Variants in MFSD6 observed in about 807,000 individuals in gnomAD.
MFSD6 encodes the protein major facilitator superfamily domain-containing protein 6.
In MFSD6, 26 loss-of-function variants were observed where a neutral mutation model predicts 56.3. The observed-to-expected ratio is 0.46, with a 90% CI of 0.34 to 0.64. The LOEUF is 0.64. Ranked by LOEUF, MFSD6 falls within the 30% of genes least tolerant of loss-of-function variation. The pLI is 0.01. For missense variants in MFSD6, 750 were observed against 986.2 expected (o/e 0.76, Z 3.21); for synonymous variants, 331 against 366.9 (o/e 0.90, Z 1.12).
chr2:190,437,248 G>C lies in MFSD6; in HGVS notation c.1219G>C (p.Glu407Gln). 1 of 1,614,042 alleles carries C rather than the reference G, an allele frequency of 6.2e-7. No individual in the cohort carries two copies. Among genetic ancestry groups the C allele is most frequent in the Non-Finnish European group, 8.5e-7 (1 of 1,179,982 alleles). ...CGATGATTCTAAAGGGAAAGAGGTG[G>C]AGATCCCGCAGGTGGAAAGGAACAA... ...KNDDSKGKEV[E>Q]IPQVERNNST... Residue 407 changes from glutamate to glutamine, a missense_variant, in exon 3 of 8, where the codon GAG becomes CAG. Around this residue, in one of 5 missense-constraint regions of MFSD6, gnomAD observed 376 missense variants for 437.9 expected, o/e 0.86. Transcript: ENST00000392328. The surrounding 1 kb of genome is among the most constrained non-coding windows in gnomAD (Gnocchi z 5.9).
At chr2:190,444,871 T>C (rs554295106) in intron 3 of MFSD6, 1 of 827,928 alleles carries the variant, frequency 1.2e-6, no homozygotes, top group Non-Finnish European at 1.5e-6. Flanking sequence ...AATTATTTTA[T>C]ACAAAATCAT....
At chr2:190,482,924 G>T (rs554811572) in intron 4 of MFSD6, among the ~76,000 whole-genome samples, 1 of 103,842 alleles carries the variant, frequency 9.6e-6, no homozygotes, top group Admixed American at 1.5e-4. Flanking sequence ...TCACTCTGTC[G>T]CCCAGGCCGG....
rs1686455638 is a variant in MFSD6 at position 190,443,393 on chromosome 2, A to C, written c.1532+5832A>C. The stretch of plus-strand genomic sequence containing the variant: ...TTTTTATGAAGACTAGATGAGATAA[A>C]ACATGGCAATTGCTTCAACAATGAC... On this transcript the variant is annotated intron_variant, in intron 3 of 7. Transcript: ENST00000392328. The surrounding 1 kb of genome is among the most constrained non-coding windows in gnomAD (Gnocchi z 4.2). Among the ~76,000 whole-genome samples, 1 of 152,182 alleles carries C rather than the reference A, an allele frequency of 6.6e-6. No individual in the cohort carries two copies. The highest frequency in any genetic ancestry group is 2.4e-5 in the African/African-American group (1 of 41,446).
intron 4 of MFSD6, among the ~76,000 whole-genome samples, chr2:190,476,357 A>T (rs1270960849): frequency 2.6e-5 from 4 of 152,246 alleles, no homozygotes; most frequent in African/African-American, 9.6e-5. Flanking sequence ...AAACAAATTT[A>T]TAAGAAAAAA....
At position 190,465,382 on chromosome 2, in the gene MFSD6, A is replaced by G. The variant is rs1357644537; in HGVS notation, c.1533-4376A>G. On this transcript the variant is annotated intron_variant, in intron 3 of 7. Transcript: ENST00000392328. The surrounding 1 kb of genome is among the most constrained non-coding windows in gnomAD (Gnocchi z 4.6). ...GACAGTCATGCTGTTTTTGAGTTTT[A>G]TCATTATAGGTGTTCAGTAGGTATC... Among the ~76,000 whole-genome samples, 1 of 151,926 alleles carries G rather than the reference A, an allele frequency of 6.6e-6. No homozygotes were observed. Among genetic ancestry groups the G allele is most frequent in the Non-Finnish European group, 1.5e-5 (1 of 67,984 alleles).
In MFSD6 at chr2:190,431,978, T is replaced by C. The variant is rs1005447754; in HGVS notation, c.-53-3999T>C. Among the ~76,000 whole-genome samples the C allele has an allele frequency of 3.9e-5, 6 of 152,242 alleles. No homozygotes were observed. The highest frequency in any genetic ancestry group is 3.9e-4 in the Admixed American group (6 of 15,290). ...GAAGATAATCATATATTCAAAAGTA[T>C]TTTCCTTTTTACTTGGCTTCTGATT... On this transcript the variant is annotated intron_variant, in intron 2 of 7. Transcript: ENST00000392328. The surrounding 1 kb of genome is among the most constrained non-coding windows in gnomAD (Gnocchi z 4.4).
intron 6 of MFSD6, among the ~76,000 whole-genome samples, chr2:190,493,794 T>C (rs1177251857): frequency 6.6e-6 from 1 of 152,018 alleles, no homozygotes; most frequent in Non-Finnish European, 1.5e-5. Flanking sequence ...AAAATCAAGA[T>C]GGAAATTTAA....
At position 190,484,986 on chromosome 2, in the gene MFSD6, C is replaced by T. The variant is rs547343884; in HGVS notation, c.1631-3671C>T. 2.7e-4 allele frequency among the ~76,000 whole-genome samples: 41 copies of T among 152,152 alleles called. No individual in the cohort carries two copies. In the South Asian group the frequency reaches 7.5e-3, roughly 28 times the overall value. ...GAGTTAATTTAAAGAATGTAATTCC[C>T]AATTATCTAATCAGTCTCAAAAGCA... is the stretch of plus-strand genomic sequence containing the variant. On this transcript the variant is annotated intron_variant, in intron 4 of 7. Transcript: ENST00000392328.
At chr2:190,420,894 A>C (rs1159521151) in intron 2 of MFSD6, among the ~76,000 whole-genome samples, 1 of 152,224 alleles carries the variant, frequency 6.6e-6, no homozygotes, top group Admixed American at 6.5e-5. Context: ...TTCATATAAA[A>C]GTTACTGTCT....
intron 3 of MFSD6, among the ~76,000 whole-genome samples, chr2:190,448,742 G>A (rs1419955465): frequency 6.6e-6 from 1 of 152,164 alleles, no homozygotes; most frequent in Non-Finnish European, 1.5e-5. Context: ...GGACTTGGAT[G>A]GGGAACAAAG....
intron 4 of MFSD6, among the ~76,000 whole-genome samples, chr2:190,479,859 G>GT (rs973599193): frequency 3.3e-5 from 5 of 151,974 alleles, no homozygotes; most frequent in Non-Finnish European, 7.4e-5. Flanking sequence ...GATGAAAGAT[G>GT]TTTTTTTTAA....
chr2:190,411,796 A>G (rs1690576367), intron 1 of MFSD6: 13 of 985,388 alleles, frequency 1.3e-5, no homozygotes, highest in Non-Finnish European at 1.6e-5. Context: ...TAACTGTAGC[A>G]TATTCTACAA....
chr2:190,464,200 C>T (rs983194657), intron 3 of MFSD6, among the ~76,000 whole-genome samples: 12 of 152,186 alleles, frequency 7.9e-5, no homozygotes, highest in East Asian at 1.9e-4. Context: ...GTCAGTCTAA[C>T]GGCAAATACT....
In MFSD6 at chr2:190,488,836, C is replaced by A; in HGVS notation, c.1792+18C>A. ...TTATTTTGGTAAGAATGGCTTTCTC[C>A]TTTTTTTTCTTTTCTATTATTAAAA... On this transcript the variant is annotated intron_variant, in intron 5 of 7. Coordinates refer to ENST00000392328, the MANE Select transcript of MFSD6 (RefSeq NM_017694.4). The surrounding 1 kb of genome is among the most constrained non-coding windows in gnomAD (Gnocchi z 6.4). 6.6e-7 allele frequency: 1 copy of A among 1,514,054 alleles called. No homozygotes were observed. The highest frequency in any genetic ancestry group is 8.8e-7 in the Non-Finnish European group (1 of 1,130,726). 93.8% of individuals were successfully genotyped at this position (1,514,054 alleles called of 1,614,324 possible).
At position 190,471,714 on chromosome 2, in the gene MFSD6, A is replaced by T. The variant is rs1027848996; in HGVS notation, c.1630+1859A>T. On this transcript the variant is annotated intron_variant, in intron 4 of 7. Coordinates refer to ENST00000392328, the MANE Select transcript of MFSD6 (RefSeq NM_017694.4). This position sits in a 1 kb window ranked among gnomAD's most constrained non-coding sequence, Gnocchi z 4.7. Reference sequence around the variant, plus strand: ...GCAGCAGAAACCTCTGCAGACTTAAATGTCCCTGTCTGACAGCTTTGAAGA... The same window carrying T: ...GCAGCAGAAACCTCTGCAGACTTAATTGTCCCTGTCTGACAGCTTTGAAGA... 2.0e-5 allele frequency among the ~76,000 whole-genome samples: 3 copies of T among 152,196 alleles called. No individual in the cohort carries two copies. The highest frequency in any genetic ancestry group is 7.2e-5 in the African/African-American group (3 of 41,438).
intron 3 of MFSD6, among the ~76,000 whole-genome samples, chr2:190,450,896 AC>A (rs1312333748): frequency 1.1e-4 from 16 of 152,302 alleles, no homozygotes; most frequent in Admixed American, 4.6e-4. Context: ...GGTGTACTAT[AC>A]CTTTGGACCA....
At position 190,461,689 on chromosome 2, in the gene MFSD6, C is replaced by A. The variant is rs1439884273; in HGVS notation, c.1533-8069C>A. On this transcript the variant is annotated intron_variant, in intron 3 of 7. Transcript: ENST00000392328. The surrounding 1 kb of genome is among the most constrained non-coding windows in gnomAD (Gnocchi z 5.5). Reference sequence around the variant, plus strand: ...AAAAGGGGGAAACAGCTCCCTCACACCTCTTTTACCCACTCATGAGGGCTC... The same window carrying A: ...AAAAGGGGGAAACAGCTCCCTCACAACTCTTTTACCCACTCATGAGGGCTC... Among the ~76,000 whole-genome samples the A allele has an allele frequency of 6.6e-6, 1 of 152,124 alleles. No homozygotes were observed. Among genetic ancestry groups the A allele is most frequent in the Non-Finnish European group, 1.5e-5 (1 of 68,026 alleles).
chr2:190,454,283 C>T lies in MFSD6; in HGVS notation c.1533-15475C>T, dbSNP rs1408924369. On this transcript the variant is annotated intron_variant, in intron 3 of 7. Coordinates refer to ENST00000392328, the MANE Select transcript of MFSD6 (RefSeq NM_017694.4). The surrounding 1 kb of genome is among the most constrained non-coding windows in gnomAD (Gnocchi z 4.6). Reference sequence around the variant, plus strand: ...TTCATGGAGCCCCTGGGGAGGTTTCCAATTGTGTTAGAGAGTGAAGGTATT... The same window carrying T: ...TTCATGGAGCCCCTGGGGAGGTTTCTAATTGTGTTAGAGAGTGAAGGTATT... 6.6e-6 allele frequency: 1 copy of T among 151,978 alleles called. No individual in the cohort carries two copies. The highest frequency in any genetic ancestry group is 2.4e-5 in the African/African-American group (1 of 41,358). The allele number at this position is 151,978 out of a possible 1,614,324, so 9.4% of individuals were successfully genotyped here. A position where few individuals can be genotyped will look rare whatever the true frequency, so the allele number is the denominator to read the frequency against.
Position 190,465,105 on chromosome 2 carries a change from T to C in MFSD6, c.1533-4653T>C, listed in dbSNP as rs1687531732. 6.6e-6 allele frequency among the ~76,000 whole-genome samples: 1 copy of C among 152,222 alleles called. No homozygotes were observed. Among genetic ancestry groups the C allele is most frequent in the Non-Finnish European group, 1.5e-5 (1 of 68,032 alleles). ...CAGCTTAAACTGCTAATACTGTGAA[T>C]TGTGCTTATATAAGAAATTAGAATC... On this transcript the variant is annotated intron_variant, in intron 3 of 7. Coordinates refer to ENST00000392328, the MANE Select transcript of MFSD6 (RefSeq NM_017694.4). This position sits in a 1 kb window ranked among gnomAD's most constrained non-coding sequence, Gnocchi z 4.6.
Sources: gnomAD v4.1 joint callset for allele counts (sites outside exome capture counted in the v4.1 genomes callset) on GRCh38, gnomAD v4.1.1 for gene constraint, gnomAD v4.1.1 regional missense constraint, Gnocchi (gnomAD v3.1) non-coding constraint, MANE v1.5 for transcripts, NCBI Gene and HGNC (gene_info 2026-07-23, HGNC 2026-07-21) for gene names.